Variants in ROBO1 observed in about 807,000 individuals in gnomAD.
ROBO1 encodes roundabout homolog 1.
A neutral mutation model predicts 195.9 loss-of-function variants in ROBO1; 149 were observed. That is an observed-to-expected ratio of 0.76 (90% CI 0.67 to 0.87). The LOEUF (loss-of-function observed/expected upper bound fraction) is 0.87. Among genes scored for constraint, ROBO1 ranks in the 40% least tolerant of loss-of-function variants. The probability of loss-of-function intolerance (pLI) is 0.00; values close to 1 mark genes in which losing one functional copy is unlikely to be tolerated. For missense variants in ROBO1, 1,933 were observed against 2,068.3 expected (o/e 0.93, Z 1.27); for synonymous variants, 816 against 733.2 (o/e 1.11, Z -1.82).
At chr3:78,827,832 C>G (rs2031771801) in intron 4 of ROBO1, among the ~76,000 whole-genome samples, 1 of 152,086 alleles carries the variant, frequency 6.6e-6, no homozygotes. Flanking sequence ...GAGGCCCACC[C>G]ACAATTTGGA....
intron 26 of ROBO1, among the ~76,000 whole-genome samples, chr3:78,626,300 T>G (rs1704776171): frequency 6.6e-6 from 1 of 152,176 alleles, no homozygotes; most frequent in South Asian, 2.1e-4. Flanking sequence ...ATAATATTAC[T>G]TTAAAATGTC....
chr3:79,040,498 C>T (rs767592926), intron 3 of ROBO1, among the ~76,000 whole-genome samples: 7 of 152,128 alleles, frequency 4.6e-5, no homozygotes, highest in Non-Finnish European at 8.8e-5. Context: ...TAATGGGTAA[C>T]ACCAAAGGTC....
chr3:78,662,515 T>G (rs952483522), intron 14 of ROBO1, among the ~76,000 whole-genome samples: 1 of 152,222 alleles, frequency 6.6e-6, no homozygotes, highest in South Asian at 2.1e-4. Flanking sequence ...GAAAAGAGAC[T>G]GAAATTGTAG....
At chr3:79,731,223 A>G (rs1261829443) in intron 1 of ROBO1, among the ~76,000 whole-genome samples, 1 of 152,222 alleles carries the variant, frequency 6.6e-6, no homozygotes, top group East Asian at 1.9e-4. Context: ...GTGTGTGTGA[A>G]GGCAGAATGA....
chr3:79,603,142 C>T (rs562554899), intron 1 of ROBO1, among the ~76,000 whole-genome samples: 1 of 151,924 alleles, frequency 6.6e-6, no homozygotes, highest in East Asian at 1.9e-4. Flanking sequence ...ACTGCCTTGA[C>T]ATCTGGTGAA....
intron 1 of ROBO1, among the ~76,000 whole-genome samples, chr3:79,714,367 G>A (rs1389602450): frequency 6.6e-6 from 1 of 152,168 alleles, no homozygotes; most frequent in Admixed American, 6.6e-5. Context: ...TGGAGAGGAT[G>A]TGGAGAAATA....
intron 29 of ROBO1, among the ~76,000 whole-genome samples, chr3:78,602,344 A>G (rs1334892157): frequency 6.6e-6 from 1 of 151,972 alleles, no homozygotes; most frequent in Non-Finnish European, 1.5e-5. Flanking sequence ...CTCTGCCTTC[A>G]CCTTCCGCCA....
chr3:79,457,381 C>CTG (rs149896280), intron 2 of ROBO1, among the ~76,000 whole-genome samples: 160 of 150,970 alleles, frequency 1.1e-3, no homozygotes, highest in Middle Eastern at 6.8e-3. Context: ...GAATGAAACA[C>CTG]TGTGTGTGTG....
At chr3:79,501,979 G>C (rs2107502938) in intron 2 of ROBO1, among the ~76,000 whole-genome samples, 1 of 152,302 alleles carries the variant, frequency 6.6e-6, no homozygotes, top group African/African-American at 2.4e-5. Context: ...GTTTGAGTAA[G>C]ATAGCTCTAA....
chr3:78,637,416 TA>T (rs1705590001), intron 22 of ROBO1, among the ~76,000 whole-genome samples: 1 of 152,212 alleles, frequency 6.6e-6, no homozygotes, highest in Admixed American at 6.5e-5. Context: ...CCAATCTGTC[TA>T]TATTTGTGTT....
intron 2 of ROBO1, among the ~76,000 whole-genome samples, chr3:79,260,037 G>A (rs2082910172): frequency 6.6e-6 from 1 of 150,558 alleles, no homozygotes; most frequent in African/African-American, 2.4e-5. Flanking sequence ...AGAAAAGAAT[G>A]AACAAAAAAA....
At chr3:79,345,097 G>A (rs1419565484) in intron 2 of ROBO1, among the ~76,000 whole-genome samples, 1 of 151,986 alleles carries the variant, frequency 6.6e-6, no homozygotes, top group Non-Finnish European at 1.5e-5. Flanking sequence ...CTACACAGAG[G>A]GATAATCTAT....
At chr3:79,397,287 A>C (rs924224161) in intron 2 of ROBO1, among the ~76,000 whole-genome samples, 1 of 151,612 alleles carries the variant, frequency 6.6e-6, no homozygotes, top group Non-Finnish European at 1.5e-5. Context: ...TCTATGATTA[A>C]GTAGACTACA....
At chr3:79,626,958 C>A (rs528716178) in intron 1 of ROBO1, among the ~76,000 whole-genome samples, 129 of 152,156 alleles carry the variant, frequency 8.5e-4, no homozygotes, top group African/African-American at 3.0e-3. Context: ...ATGTGAAGGA[C>A]CTCTTCAAGG....
chr3:79,693,592 T>G (rs1947358861), intron 1 of ROBO1, among the ~76,000 whole-genome samples: 1 of 151,576 alleles, frequency 6.6e-6, no homozygotes, highest in Non-Finnish European at 1.5e-5. Flanking sequence ...CTACCATGCT[T>G]GCCTAATTTT....
At chr3:78,989,752 T>C (rs1298300124) in intron 3 of ROBO1, among the ~76,000 whole-genome samples, 2 of 152,208 alleles carry the variant, frequency 1.3e-5, no homozygotes, top group African/African-American at 4.8e-5. Flanking sequence ...TTCCTTCTGT[T>C]GTATAAATTA....
At chr3:79,687,826 T>A (rs1446681733) in intron 1 of ROBO1, among the ~76,000 whole-genome samples, 1 of 152,092 alleles carries the variant, frequency 6.6e-6, no homozygotes, top group Admixed American at 6.6e-5. Context: ...TCCTCAGGGA[T>A]CTAGAACTGG....
intron 3 of ROBO1, among the ~76,000 whole-genome samples, chr3:79,064,610 C>T (rs1055107476): frequency 6.6e-6 from 1 of 151,926 alleles, no homozygotes; most frequent in East Asian, 1.9e-4. Flanking sequence ...AATCCTCCTG[C>T]CTCAGCCTCC....
At chr3:78,890,637 AC>A (rs2036837268) in intron 4 of ROBO1, among the ~76,000 whole-genome samples, 1 of 152,156 alleles carries the variant, frequency 6.6e-6, no homozygotes, top group Non-Finnish European at 1.5e-5. Context: ...CTTTGAACTT[AC>A]TTTTTTAGTT....
Sources: allele counts gnomAD v4.1 joint callset (sites outside exome capture counted in the v4.1 genomes callset), GRCh38; gene constraint gnomAD v4.1.1; transcripts MANE v1.5; gene names NCBI Gene and HGNC (gene_info 2026-07-23, HGNC 2026-07-21).